Variants in DNAJC28 observed in about 807,000 individuals in gnomAD.
The protein encoded by DNAJC28 is dnaJ homolog subfamily C member 28.
DNAJC28 carries 24 observed loss-of-function variants against 33.3 expected under a neutral mutation model. The observed-to-expected ratio is 0.72, with a 90% CI of 0.52 to 1.01. The LOEUF is 1.01. DNAJC28 is among the 50% of genes least tolerant of loss of function. DNAJC28 has a pLI of 0.00. For synonymous variants in DNAJC28, 120 were observed against 147.2 expected (o/e 0.82, Z 1.34); for missense variants, 442 against 455.2 (o/e 0.97, Z 0.26).
At chr21:33,489,759 G>T (rs2084504832) in intron 1 of DNAJC28, among the ~76,000 whole-genome samples, 1 of 151,164 alleles carries the variant, frequency 6.6e-6, no homozygotes, top group Admixed American at 6.6e-5. Context: ...CAAAGTGCTG[G>T]GATTACAGGT....
In DNAJC28 at chr21:33,488,116, GT is replaced by G. The variant is rs370459473; in HGVS notation, c.*110del. 729 of 899,556 alleles carry G rather than the reference GT, an allele frequency of 8.1e-4. 5 individuals are homozygous for G. In the African/African-American group the frequency reaches 0.011, roughly 14 times the overall value. 55.7% of individuals were successfully genotyped at this position (899,556 alleles called of 1,614,324 possible). ...TCACACATCATTGGCTATGTGATTA[GT>G]TTTGTGATAAGTACAATGGCACAAT... On this transcript the variant is annotated 3_prime_UTR_variant, in exon 2 of 2. Coordinates refer to ENST00000381947, the MANE Select transcript of DNAJC28 (RefSeq NM_001040192.3).
chr21:33,488,548 C>T lies in DNAJC28; in HGVS notation c.846G>A (p.Gly282=), dbSNP rs1347684445. The T allele has an allele frequency of 6.2e-7, 1 of 1,613,110 alleles. No individual in the cohort carries two copies. ...EAILVSRKKL[G]NPMTPTEKKQ... ...TCTTTTCAGTTGGTGTCATTGGATT[C>T]CCAAGTTTTTTCCTAGACACTAAAA... Residue 282 remains glycine (G), a synonymous_variant, in exon 2 of 2, where the codon GGG becomes GGA. Coordinates refer to ENST00000381947, the MANE Select transcript of DNAJC28 (RefSeq NM_001040192.3).
At chr21:33,491,163 A>C (rs2084519597) in intron 1 of DNAJC28, 1 of 152,230 alleles carries the variant, frequency 6.6e-6, no homozygotes, top group Non-Finnish European at 1.5e-5. Flanking sequence ...CAGAAAAACC[A>C]TGATGAATTG....
At chr21:33,490,740 AAC>A (rs2084515053) in intron 1 of DNAJC28, among the ~76,000 whole-genome samples, 2 of 152,034 alleles carry the variant, frequency 1.3e-5, no homozygotes, top group Non-Finnish European at 2.9e-5. Flanking sequence ...CAGCCTGGGC[AAC>A]AGAGTGAGAC....
chr21:33,491,476 A>T (rs2084523621), intron 1 of DNAJC28, 126 bp downstream of exon 1: 1 of 152,632 alleles, frequency 6.6e-6, no homozygotes, highest in South Asian at 2.1e-4. Context: ...GCCTCTGCGC[A>T]TGCGTGCGCG....
rs78121368 is a variant in DNAJC28 at position 33,488,526 on chromosome 21, T to G, written c.868A>C (p.Lys290Gln). The G allele has an allele frequency of 4.3e-3, 6,869 of 1,612,964 alleles. 152 individuals are homozygous for G. In the African/African-American group the frequency reaches 0.062, roughly 15 times the overall value. ...KLGNPMTPTE[K>Q]KQWNHVCEQF... ...TCACAAACATGGTTCCACTGTTTCT[T>G]TTCAGTTGGTGTCATTGGATTCCCA... The change falls in exon 2 of 2, where the codon AAG becomes CAG. Residue 290 changes from lysine to glutamine, a missense_variant. Transcript: ENST00000381947.
In DNAJC28 at chr21:33,488,191, G is replaced by A. The variant is rs778313340; in HGVS notation, c.*36C>T. ...ATAAATCTCATTTTCCATGTAAAGT[G>A]TCAGTGGAACTAAGAATGATTTATG... On this transcript the variant is annotated 3_prime_UTR_variant, in exon 2 of 2. Transcript: ENST00000381947. The A allele has an allele frequency of 1.4e-6, 2 of 1,406,142 alleles. No homozygotes were observed. Among genetic ancestry groups the A allele is most frequent in the Non-Finnish European group, 1.9e-6 (2 of 1,053,038 alleles). The allele number at this position is 1,406,142 out of a possible 1,614,324, so 87.1% of individuals were successfully genotyped here.
rs769048458 is a variant in DNAJC28 at position 33,488,422 on chromosome 21, T to C, written c.972A>G (p.Gln324=). Reference sequence around the variant, plus strand: ...CTTTCTGAGCATCAAAATGGACTTTTTGCCTGGTCAGGATGGGAACAATTA... The same window carrying C: ...CTTTCTGAGCATCAAAATGGACTTTCTGCCTGGTCAGGATGGGAACAATTA... ...FNLIVPILTR[Q]KVHFDAQKEI... is the part of the protein sequence containing the mutation. The change falls in exon 2 of 2, where the codon CAA becomes CAG. Residue 324 remains glutamine, a synonymous_variant. Coordinates refer to ENST00000381947, the MANE Select transcript of DNAJC28 (RefSeq NM_001040192.3). The C allele has an allele frequency of 5.0e-6, 8 of 1,593,010 alleles. No homozygotes were observed. The highest frequency in any genetic ancestry group is 3.7e-5 in the Admixed American group (2 of 54,148).
intron 1 of DNAJC28, 192 bp downstream of exon 1, chr21:33,491,410 C>CT (rs1278127690): frequency 6.6e-6 from 1 of 152,358 alleles, no homozygotes; most frequent in Non-Finnish European, 1.5e-5. Context: ...GCCCCGCCCC[C>CT]TCCTCACCTG....
At chr21:33,490,420 T>C (rs2084512210) in intron 1 of DNAJC28, among the ~76,000 whole-genome samples, 1 of 151,632 alleles carries the variant, frequency 6.6e-6, no homozygotes, top group African/African-American at 2.4e-5. Flanking sequence ...CCAGCTGCAT[T>C]CTTATAGCTA....
chr21:33,488,913 G>A lies in DNAJC28; in HGVS notation c.481C>T (p.Arg161Cys), dbSNP rs780024643. 110 of 1,612,838 alleles carry A rather than the reference G, an allele frequency of 6.8e-5. No individual in the cohort carries two copies. The highest frequency in any genetic ancestry group is 8.3e-5 in the Non-Finnish European group (98 of 1,179,920). Residue 161 changes from arginine to cysteine, a missense_variant, in exon 2 of 2, where the codon CGT becomes TGT. Physicochemically the swap from Arg to Cys is radical, Grantham distance 180 (BLOSUM62 -3). Coordinates refer to ENST00000381947, the MANE Select transcript of DNAJC28 (RefSeq NM_001040192.3). The part of the protein sequence containing the change: ...EKHYRQFRAD[R>C]AAEQVMEYQK... Reference sequence around the variant, plus strand: ...TATTCCATCACTTGTTCAGCAGCACGGTCTGCCCTAAATTGCCTATAATGC... The same window carrying A: ...TATTCCATCACTTGTTCAGCAGCACAGTCTGCCCTAAATTGCCTATAATGC...
Position 33,489,285 on chromosome 21 carries a change from T to C in DNAJC28, c.109A>G (p.Asn37Asp), listed in dbSNP as rs760730175. 2.5e-6 allele frequency: 4 copies of C among 1,601,238 alleles called. No individual in the cohort carries two copies. The highest frequency in any genetic ancestry group is 3.4e-6 in the Non-Finnish European group (4 of 1,176,180). ...GATTTATGGGTTGACATCATTCTAT[T>C]TCTAATGATACCAAAATATGGAAGC... is the stretch of plus-strand genomic sequence containing the variant. ...KMLPYFGIIR[N>D]RMMSTHKSKK... is the part of the protein sequence containing the mutation. Residue 37 changes from asparagine (N) to aspartate (D), a missense_variant, in exon 2 of 2, where the codon AAT becomes GAT. By Grantham distance (23) the Asn-to-Asp change is conservative. Transcript: ENST00000381947.
rs746288924 is a variant in DNAJC28, at chr21:33,488,933, T to A, written c.461A>T (p.Tyr154Phe). ...FGTPTQREKH[Y>F]RQFRADRAAE... is the part of the protein sequence containing the mutation. ...AGCACGGTCTGCCCTAAATTGCCTATAATGCTTCTCTCGTTGAGTTGGAGT... is the reference window on the plus strand; with the variant it reads ...AGCACGGTCTGCCCTAAATTGCCTAAAATGCTTCTCTCGTTGAGTTGGAGT... Residue 154 changes from tyrosine to phenylalanine, a missense_variant, in exon 2 of 2, where the codon TAT becomes TTT. Coordinates refer to ENST00000381947, the MANE Select transcript of DNAJC28 (RefSeq NM_001040192.3). 6.2e-7 allele frequency: 1 copy of A among 1,613,736 alleles called. No homozygotes were observed. The highest frequency in any genetic ancestry group is 8.5e-7 in the Non-Finnish European group (1 of 1,180,030).
Position 33,489,005 on chromosome 21 carries a change from G to A in DNAJC28, c.389C>T (p.Thr130Ile), listed in dbSNP as rs1601150283. The change falls in exon 2 of 2, where the codon ACA becomes ATA. Residue 130 changes from threonine (T) to isoleucine (I), a missense_variant. By Grantham distance (89) the Thr-to-Ile change is moderately conservative. Coordinates refer to ENST00000381947, the MANE Select transcript of DNAJC28 (RefSeq NM_001040192.3). ...EEDVEKFKYK[T>I]PQHRHYLSFE... is the part of the protein sequence containing the mutation. ...ACTTAAATAATGTCGGTGTTGGGGTGTTTTATATTTGAATTTTTCTACATC... is the reference window on the plus strand; with the variant it reads ...ACTTAAATAATGTCGGTGTTGGGGTATTTTATATTTGAATTTTTCTACATC... The A allele has an allele frequency of 6.2e-7, 1 of 1,612,100 alleles. No individual in the cohort carries two copies. The highest frequency in any genetic ancestry group is 2.2e-5 in the East Asian group (1 of 44,870).
chr21:33,489,696 C>T lies in DNAJC28; in HGVS notation c.-31-272G>A, dbSNP rs376588351. Among the ~76,000 whole-genome samples, 29 of 151,366 alleles carry T rather than the reference C, an allele frequency of 1.9e-4. No homozygotes were observed. In the East Asian group the frequency reaches 2.5e-3, roughly 13 times the overall value. On this transcript the variant is annotated intron_variant, in intron 1 of 1. Transcript: ENST00000381947. ...TAGTAGAGAAGGGGTTTCACCATAT[C>T]GCCCAGGCTGGTCTGGATATCCTGA...
In DNAJC28 at chr21:33,490,489, TGGG is replaced by T. The variant is rs2084513046; in HGVS notation, c.-31-1068_-31-1066del. On this transcript the variant is annotated intron_variant, in intron 1 of 1. Transcript: ENST00000381947. ...GATGAAGTTTAGTGTTAACATATTG[TGGG>T]GCCAGGCACGGTGGCACACGCCTGT... Among the ~76,000 whole-genome samples the T allele has an allele frequency of 2.0e-5, 3 of 150,902 alleles. No individual in the cohort carries two copies. In the South Asian group the frequency reaches 6.4e-4, roughly 32 times the overall value.
chr21:33,489,646 C>A (rs189910646), intron 1 of DNAJC28, among the ~76,000 whole-genome samples: 10 of 150,868 alleles, frequency 6.6e-5, no homozygotes, highest in Non-Finnish European at 1.3e-4. Context: ...TCCAGAGCCA[C>A]GCCTAGCTAA....
intron 1 of DNAJC28, chr21:33,490,959 G>T (rs201204552): frequency 6.7e-6 from 1 of 149,590 alleles, no homozygotes; most frequent in African/African-American, 2.4e-5. Flanking sequence ...CAGTAAAAAA[G>T]GAGGCTTGCT....
Position 33,488,239 on chromosome 21 carries a change from T to C in DNAJC28, c.1155A>G (p.Ile385Met), listed in dbSNP as rs760442498. 6.7e-7 allele frequency: 1 copy of C among 1,502,042 alleles called. No homozygotes were observed. Among genetic ancestry groups the C allele is most frequent in the African/African-American group, 1.4e-5 (1 of 71,162 alleles). The allele number at this position is 1,502,042 out of a possible 1,614,324, so 93.0% of individuals were successfully genotyped here. A position where few individuals can be genotyped will look rare whatever the true frequency, so the allele number is the denominator to read the frequency against. ...ATGATAGTAAACATCAAAATGATCG[T>C]ATTTTAATAAATTTCCACAGATTCA... ...NWMNLWKFIK[I>M]RSF Residue 385 changes from isoleucine to methionine, a missense_variant, in exon 2 of 2, where the codon ATA (isoleucine) becomes ATG (methionine). Transcript: ENST00000381947.
Sources: allele counts gnomAD v4.1 joint callset (sites outside exome capture counted in the v4.1 genomes callset), GRCh38; gene constraint gnomAD v4.1.1; transcripts MANE v1.5; gene names NCBI Gene and HGNC (gene_info 2026-07-23, HGNC 2026-07-21).